The following IL1RAPL1 variants were observed in gnomAD, a reference collection of about 807,000 sequenced individuals.
IL1RAPL1 encodes the protein interleukin 1 receptor accessory protein like 1, also known as interleukin-1 receptor accessory protein-like 1.
In IL1RAPL1, 3 loss-of-function variants were observed where a neutral mutation model predicts 48.4. The observed-to-expected ratio is 0.06, with a 90% CI of 0.03 to 0.16. The LOEUF (loss-of-function observed/expected upper bound fraction) is 0.16, where lower values mean the gene tolerates loss of function less well. IL1RAPL1 is among the 10% of genes least tolerant of loss of function. The probability of loss-of-function intolerance (pLI) is 1.00; values close to 1 mark genes in which losing one functional copy is unlikely to be tolerated. For missense variants in IL1RAPL1, 349 were observed against 530.6 expected (o/e 0.66, Z 3.36); for synonymous variants, 185 against 187.7 (o/e 0.99, Z 0.12).
intron 3 of IL1RAPL1, among the ~76,000 whole-genome samples, chrX:29,310,093 C>CAAAAAAAAAAAAAAAAAAAAAAAAAAA (rs57210050): frequency 8.4e-5 from 2 of 23,741 alleles, no homozygotes; most frequent in Non-Finnish European, 1.3e-4. Context: ...GACTCCGTCT[C>CAAAAAAAAAAAAAAAAAAAAAAAAAAA]AAAAAAAAAA....
chrX:29,314,663 G>A (rs1602165986), intron 3 of IL1RAPL1, among the ~76,000 whole-genome samples: 1 of 112,506 alleles, frequency 8.9e-6, no homozygotes. Context: ...GTAAAATGGG[G>A]ATACCAGTGG....
chrX:29,215,838 C>CT (rs1028402069), intron 2 of IL1RAPL1, among the ~76,000 whole-genome samples: 5 of 111,125 alleles, frequency 4.5e-5, no homozygotes, highest in Admixed American at 9.6e-5. Context: ...TGGCTTCAGA[C>CT]TTTTTTATCA....
chrX:28,972,982 G>A (rs951009780), intron 2 of IL1RAPL1, among the ~76,000 whole-genome samples: 8 of 111,199 alleles, frequency 7.2e-5, no homozygotes, highest in African/African-American at 2.6e-4. Flanking sequence ...CCTTCCTGCT[G>A]TTGTTTCCTT....
At chrX:28,741,119 G>C (rs996806313) in intron 1 of IL1RAPL1, among the ~76,000 whole-genome samples, 35 of 111,769 alleles carry the variant, frequency 3.1e-4, no homozygotes, top group African/African-American at 1.1e-3. Context: ...TCACCAAACT[G>C]CTTTCCACAG....
intron 1 of IL1RAPL1, among the ~76,000 whole-genome samples, chrX:28,761,392 T>G (rs1006153438): frequency 2.6e-4 from 29 of 112,026 alleles, no homozygotes; most frequent in African/African-American, 8.8e-4. Flanking sequence ...ACATATACAC[T>G]GTGGAATACT....
In IL1RAPL1 at chrX:29,028,665, G is replaced by A. The variant is rs73454736; in HGVS notation, c.82+239240G>A. 2.6e-3 allele frequency among the ~76,000 whole-genome samples: 289 copies of A among 111,096 alleles called. 2 individuals are homozygous for A. The highest frequency in any genetic ancestry group is 8.4e-3 in the African/African-American group (258 of 30,577). Reference sequence around the variant, plus strand: ...TCGTTGGCATATTTGTATTTCTGTCGCTGATTTTTTTCACTTAACACAATA... The same window carrying A: ...TCGTTGGCATATTTGTATTTCTGTCACTGATTTTTTTCACTTAACACAATA... On this transcript the variant is annotated intron_variant, in intron 2 of 10. Coordinates refer to ENST00000378993, the MANE Select transcript of IL1RAPL1 (RefSeq NM_014271.4).
intron 2 of IL1RAPL1, among the ~76,000 whole-genome samples, chrX:28,868,468 T>C (rs187385050): frequency 4.5e-5 from 5 of 111,494 alleles, no homozygotes; most frequent in Admixed American, 3.8e-4. Flanking sequence ...TTAGTACCTA[T>C]TGATATTTGC....
chrX:28,985,911 G>A (rs1416978329), intron 2 of IL1RAPL1, among the ~76,000 whole-genome samples: 2 of 110,213 alleles, frequency 1.8e-5, no homozygotes, highest in Admixed American at 9.6e-5. Flanking sequence ...CGCCTGCCTC[G>A]GCCTCCCAGA....
chrX:29,377,512 T>C (rs907268418), intron 3 of IL1RAPL1, among the ~76,000 whole-genome samples: 1 of 112,318 alleles, frequency 8.9e-6, no homozygotes, highest in Non-Finnish European at 1.9e-5. Flanking sequence ...TTCAATTTCA[T>C]GTTTAGCATT....
intron 8 of IL1RAPL1, among the ~76,000 whole-genome samples, chrX:29,938,363 C>A (rs898207116): frequency 5.4e-5 from 6 of 111,225 alleles, no homozygotes; most frequent in Non-Finnish European, 1.1e-4. Context: ...CAAAGCTCCT[C>A]GACTATCTAT....
chrX:29,657,532 A>C (rs773550249), intron 5 of IL1RAPL1, among the ~76,000 whole-genome samples: 2 of 112,257 alleles, frequency 1.8e-5, no homozygotes, highest in African/African-American at 6.5e-5. Context: ...ATACTTTAGA[A>C]ATATAATGTC....
At chrX:29,629,696 G>A (rs1459443205) in intron 5 of IL1RAPL1, among the ~76,000 whole-genome samples, 1 of 112,004 alleles carries the variant, frequency 8.9e-6, no homozygotes, top group Non-Finnish European at 1.9e-5. Context: ...TAACCTCTAT[G>A]TTATCATATC....
intron 2 of IL1RAPL1, among the ~76,000 whole-genome samples, chrX:28,877,638 T>C (rs1319786027): frequency 8.9e-6 from 1 of 112,067 alleles, no homozygotes; most frequent in Non-Finnish European, 1.9e-5. Flanking sequence ...AAACAGGAAA[T>C]GGTTTTTTTT....
intron 2 of IL1RAPL1, among the ~76,000 whole-genome samples, chrX:28,944,613 T>A (rs1193323161): frequency 8.1e-5 from 9 of 110,864 alleles, no homozygotes; most frequent in Non-Finnish European, 1.1e-4. Flanking sequence ...AAATAATGAT[T>A]GTAACTGAAA....
intron 3 of IL1RAPL1, among the ~76,000 whole-genome samples, chrX:29,359,909 A>T (rs1439633020): frequency 2.7e-5 from 3 of 110,928 alleles, no homozygotes; most frequent in African/African-American, 9.8e-5. Context: ...CAATATTTCT[A>T]GGTAGCCATG....
chrX:28,873,106 CTTTTTTTTTTTT>C (rs764591682), intron 2 of IL1RAPL1, among the ~76,000 whole-genome samples: 1 of 64,990 alleles, frequency 1.5e-5, no homozygotes, highest in Admixed American at 1.6e-4. Flanking sequence ...TTTTTTTTCA[CTTTTTTTTTTTT>C]TTTTTTTTTG....
intron 2 of IL1RAPL1, among the ~76,000 whole-genome samples, chrX:28,873,790 C>G (rs1453162445): frequency 9.2e-6 from 1 of 109,084 alleles, no homozygotes; most frequent in Non-Finnish European, 1.9e-5. Context: ...CTTGGCCTCC[C>G]AAAGTGCTGG....
intron 2 of IL1RAPL1, among the ~76,000 whole-genome samples, chrX:29,254,461 G>A (rs1199391901): frequency 1.9e-5 from 2 of 108,085 alleles, no homozygotes; most frequent in Non-Finnish European, 1.9e-5. Context: ...GTGAGAGAGA[G>A]CAAAGAGGGG....
chrX:28,845,882 C>A (rs927050355), intron 2 of IL1RAPL1, among the ~76,000 whole-genome samples: 1 of 112,037 alleles, frequency 8.9e-6, no homozygotes, highest in East Asian at 2.8e-4. Context: ...TCATTATCAA[C>A]ATCCCCCACC....
Sources: allele counts gnomAD v4.1 joint callset (sites outside exome capture counted in the v4.1 genomes callset), GRCh38; gene constraint gnomAD v4.1.1; transcripts MANE v1.5; gene names NCBI Gene and HGNC (gene_info 2026-07-23, HGNC 2026-07-21).